The following ACVR1C variants were observed in gnomAD, a reference collection of about 807,000 sequenced individuals.
ACVR1C encodes the protein activin receptor type-1C.
A neutral mutation model predicts 57.9 loss-of-function variants in ACVR1C; 23 were observed. That is an observed-to-expected ratio of 0.40 (90% CI 0.29 to 0.56). The LOEUF (loss-of-function observed/expected upper bound fraction) is 0.56, where lower values mean the gene tolerates loss of function less well. Among genes scored for constraint, ACVR1C ranks in the 20% least tolerant of loss-of-function variants. ACVR1C has a pLI of 0.50. For synonymous variants in ACVR1C, 214 were observed against 215.3 expected (o/e 0.99, Z 0.05); for missense variants, 480 against 607.9 (o/e 0.79, Z 2.21).
At chr2:157,536,137 A>G (rs184327871) in intron 8 of ACVR1C, among the ~76,000 whole-genome samples, 56 of 152,360 alleles carry the variant, frequency 3.7e-4, no homozygotes, top group Non-Finnish European at 6.9e-4. Flanking sequence ...TAATGACACA[A>G]ATATAGAAAA....
intron 1 of ACVR1C, among the ~76,000 whole-genome samples, chr2:157,601,779 A>G (rs1443161839): frequency 1.3e-5 from 2 of 152,184 alleles, no homozygotes; most frequent in African/African-American, 2.4e-5. Context: ...CTGAGAGGTT[A>G]CCACACCTCT....
At position 157,555,101 on chromosome 2, in the gene ACVR1C, C is replaced by CTTTTTTTTTTTTT. The variant is rs60269781; in HGVS notation, c.544+979_544+991dup. 4.5e-4 allele frequency among the ~76,000 whole-genome samples: 38 copies of CTTTTTTTTTTTTT among 83,946 alleles called. 12 individuals carry two copies. The highest frequency in any genetic ancestry group is 1.8e-3 in the African/African-American group (30 of 16,854). 55.1% of individuals were successfully genotyped at this position (83,946 alleles called of 152,430 possible). ...ATAATACAGCCTGGTACTTTGAACG[C>CTTTTTTTTTTTTT]TTTTTTTTTTTTTTTTTTTTTTTTT... On this transcript the variant is annotated intron_variant, in intron 3 of 8. Transcript: ENST00000243349.
rs1320148012 is a variant in ACVR1C, at chr2:157,532,610, T to C, written c.*1308A>G. The stretch of plus-strand genomic sequence containing the variant: ...TAAAATTATAGATTTGAAGGGCATA[T>C]TTAATGTCCCATTAAATATTCATTA... On this transcript the variant is annotated 3_prime_UTR_variant, in exon 9 of 9. Coordinates refer to ENST00000243349, the MANE Select transcript of ACVR1C (RefSeq NM_145259.3). 1 of 152,148 alleles carries C rather than the reference T, an allele frequency of 6.6e-6. No homozygotes were observed. 9.4% of individuals were successfully genotyped at this position (152,148 alleles called of 1,614,324 possible). A position where few individuals can be genotyped will look rare whatever the true frequency, so the allele number is the denominator to read the frequency against.
chr2:157,613,298 T>C (rs1270911643), intron 1 of ACVR1C, among the ~76,000 whole-genome samples: 1 of 152,204 alleles, frequency 6.6e-6, no homozygotes, highest in Non-Finnish European at 1.5e-5. Flanking sequence ...GGAGGGTGAG[T>C]GTCTAATGTC....
chr2:157,531,330 T>C lies in ACVR1C; in HGVS notation c.*2588A>G, dbSNP rs990787727. On this transcript the variant is annotated 3_prime_UTR_variant, in exon 9 of 9. Transcript: ENST00000243349. ...CTTTCTTAAAAAATGTATTTTGTAATTGAAATATAAGACTACTCAGTTAGG... is the reference window on the plus strand; with the variant it reads ...CTTTCTTAAAAAATGTATTTTGTAACTGAAATATAAGACTACTCAGTTAGG... The C allele has an allele frequency of 1.3e-5, 2 of 151,998 alleles. No individual in the cohort carries two copies. Among genetic ancestry groups the C allele is most frequent in the African/African-American group, 4.8e-5 (2 of 41,440 alleles). 9.4% of individuals were successfully genotyped at this position (151,998 alleles called of 1,614,324 possible).
intron 1 of ACVR1C, among the ~76,000 whole-genome samples, chr2:157,626,312 T>G (rs1253311539): frequency 1.3e-5 from 2 of 152,160 alleles, no homozygotes; most frequent in Non-Finnish European, 1.5e-5. Flanking sequence ...AAACAGTTTT[T>G]CTAAGTCTCT....
At chr2:157,556,023 TA>T in intron 3 of ACVR1C, 69 bp downstream of exon 3, 2 of 1,503,408 alleles carry the variant, frequency 1.3e-6, no homozygotes, top group Non-Finnish European at 1.8e-6. Context: ...CCCTTTTTGT[TA>T]AAAAGTTTTT....
chr2:157,575,784 T>A (rs1329744647), intron 2 of ACVR1C, among the ~76,000 whole-genome samples: 3 of 152,198 alleles, frequency 2.0e-5, no homozygotes, highest in Non-Finnish European at 4.4e-5. Context: ...TTATTTGTAG[T>A]CATATTAACT....
intron 1 of ACVR1C, among the ~76,000 whole-genome samples, chr2:157,610,531 T>C (rs1682508794): frequency 6.6e-6 from 1 of 152,162 alleles, no homozygotes; most frequent in African/African-American, 2.4e-5. Flanking sequence ...CATTTTTGCA[T>C]TGTATCTGTT....
Position 157,594,750 on chromosome 2 carries a change from C to T in ACVR1C, c.74-7333G>A, listed in dbSNP as rs921841844. Among the ~76,000 whole-genome samples the T allele has an allele frequency of 5.3e-5, 8 of 152,170 alleles. No individual in the cohort carries two copies. The East Asian group carries it at 9.7e-4, about 18-fold the overall frequency. On this transcript the variant is annotated intron_variant, in intron 1 of 8. Transcript: ENST00000243349. ...CAGAAATAGTATGCAAGACCAAAAG[C>T]GACTCAAAATAGCACCACACTTCAG...
At chr2:157,584,658 T>C (rs1688874077) in intron 2 of ACVR1C, among the ~76,000 whole-genome samples, 1 of 152,188 alleles carries the variant, frequency 6.6e-6, no homozygotes, top group South Asian at 2.1e-4. Context: ...TAAAATATTA[T>C]AAGCAGTCTG....
rs560777268 is a variant in ACVR1C, at chr2:157,596,766, A to C, written c.74-9349T>G. Among the ~76,000 whole-genome samples the C allele has an allele frequency of 3.6e-4, 55 of 152,332 alleles. 1 individual carries two copies. The highest frequency in any genetic ancestry group is 1.2e-3 in the African/African-American group (51 of 41,584). On this transcript the variant is annotated intron_variant, in intron 1 of 8. Coordinates refer to ENST00000243349, the MANE Select transcript of ACVR1C (RefSeq NM_145259.3). Reference sequence around the variant, plus strand: ...TTACTTTATGGCAAGTCTTTAGATAAGTTTTTAAGATCATTATTTAAAGAG... The same window carrying C: ...TTACTTTATGGCAAGTCTTTAGATACGTTTTTAAGATCATTATTTAAAGAG...
intron 1 of ACVR1C, among the ~76,000 whole-genome samples, chr2:157,612,413 C>T (rs1337086966): frequency 6.6e-6 from 1 of 152,100 alleles, no homozygotes; most frequent in Non-Finnish European, 1.5e-5. Context: ...GACAGGACCC[C>T]ACTCTTCTAT....
intron 2 of ACVR1C, among the ~76,000 whole-genome samples, chr2:157,576,184 G>A (rs1174894522): frequency 6.7e-6 from 1 of 149,782 alleles, no homozygotes; most frequent in Admixed American, 6.7e-5. Context: ...CATTATTGTG[G>A]CTTGAGGAAT....
At chr2:157,605,063 T>C (rs1682362356) in intron 1 of ACVR1C, among the ~76,000 whole-genome samples, 1 of 151,834 alleles carries the variant, frequency 6.6e-6, no homozygotes, top group African/African-American at 2.4e-5. Context: ...AGTTAATACT[T>C]GTAAACATGC....
At chr2:157,588,030 C>T (rs1688968673) in intron 1 of ACVR1C, among the ~76,000 whole-genome samples, 1 of 151,980 alleles carries the variant, frequency 6.6e-6, no homozygotes, top group Admixed American at 6.6e-5. Context: ...ATTTCCCCTC[C>T]TCACTAAAGA....
intron 1 of ACVR1C, among the ~76,000 whole-genome samples, chr2:157,607,581 A>G (rs1384503283): frequency 6.6e-6 from 1 of 151,444 alleles, no homozygotes; most frequent in African/African-American, 2.4e-5. Flanking sequence ...AACAATACCT[A>G]CTCTTCAGAT....
chr2:157,592,890 A>G lies in ACVR1C; in HGVS notation c.74-5473T>C, dbSNP rs140399712. 6.3e-3 allele frequency among the ~76,000 whole-genome samples: 956 copies of G among 152,248 alleles called. 5 individuals carry two copies. The highest frequency in any genetic ancestry group is 0.01 in the Non-Finnish European group (706 of 67,978). The stretch of plus-strand genomic sequence containing the variant: ...TAGTCTTGTCTCATGTTTATTTTAT[A>G]CTTTCCCATTACAATGTATTTGAGT... On this transcript the variant is annotated intron_variant, in intron 1 of 8. Coordinates refer to ENST00000243349, the MANE Select transcript of ACVR1C (RefSeq NM_145259.3).
chr2:157,562,553 C>G (rs1688267411), intron 2 of ACVR1C, among the ~76,000 whole-genome samples: 1 of 151,292 alleles, frequency 6.6e-6, no homozygotes, highest in African/African-American at 2.4e-5. Context: ...CAGAGAGGAG[C>G]TGGTACCATT....
Sources: gnomAD v4.1 joint callset for allele counts (sites outside exome capture counted in the v4.1 genomes callset) on GRCh38, gnomAD v4.1.1 for gene constraint, MANE v1.5 for transcripts, NCBI Gene and HGNC (gene_info 2026-07-23, HGNC 2026-07-21) for gene names.